RELN: variants seen among roughly 807,000 people sequenced by gnomAD.
The protein encoded by RELN is reelin.
Under a neutral mutation model 427.6 loss-of-function variants are expected in RELN, and 108 were observed. The observed-to-expected ratio is 0.25, with a 90% CI of 0.22 to 0.30. The LOEUF is 0.30. Among genes scored for constraint, RELN ranks in the 10% least tolerant of loss-of-function variants. The pLI is 1.00. For missense variants in RELN, 3,715 were observed against 4,302.8 expected, an observed-to-expected ratio of 0.86 and a Z score of 3.82; for synonymous variants, 1,524 against 1,513.4, an observed-to-expected ratio of 1.01 and a Z score of -0.16.
chr7:103,492,065 A>G (rs1828692005), intron 57 of RELN, 39 bp from the exon 58 acceptor site: 2 of 1,437,512 alleles, frequency 1.4e-6, no homozygotes, highest in African/African-American at 1.4e-5. Context: ...AGGTAAGATT[A>G]GATGATACTG....
intron 3 of RELN, among the ~76,000 whole-genome samples, chr7:103,782,517 CTAAA>C (rs1389512357): frequency 3.3e-5 from 5 of 152,042 alleles, no homozygotes; most frequent in Non-Finnish European, 5.9e-5. Flanking sequence ...GTCTCTCCAC[CTAAA>C]TAGATTTCAA....
chr7:103,674,210 T>C (rs868505006), intron 11 of RELN, among the ~76,000 whole-genome samples: 5 of 152,182 alleles, frequency 3.3e-5, no homozygotes, highest in African/African-American at 9.6e-5. Context: ...GTTTCAACAA[T>C]CATATATTTC....
chr7:103,811,144 T>C (rs946184561), intron 3 of RELN, among the ~76,000 whole-genome samples: 7 of 152,242 alleles, frequency 4.6e-5, no homozygotes, highest in Admixed American at 2.6e-4. Flanking sequence ...TTAAGGCATA[T>C]ACGAAAATTA....
chr7:103,834,973 T>C (rs39370), intron 2 of RELN, among the ~76,000 whole-genome samples: 58,245 of 151,962 alleles, frequency 0.38, 11,524 homozygotes, highest in Non-Finnish European at 0.43. Context: ...GAACTGAAAA[T>C]ATATGCCTGA....
At position 103,503,059 on chromosome 7, in the gene RELN, A is replaced by C; in HGVS notation, c.8446T>G (p.Trp2816Gly). The part of the protein sequence containing the change: ...QPSVFFPTKG[W>G]KRITYPLPES... Reference sequence around the variant, plus strand: ...GGAAGTGGGTAGGTGATCCTTTTCCACCCTTTAGTTGGAAAGAATACAGAT... The same window carrying C: ...GGAAGTGGGTAGGTGATCCTTTTCCCCCCTTTAGTTGGAAAGAATACAGAT... Residue 2816 changes from tryptophan (W) to glycine (G), a missense_variant, in exon 52 of 65, where the codon TGG becomes GGG. By Grantham distance (184) the Trp-to-Gly change is radical. Transcript: ENST00000428762. 6.2e-7 allele frequency: 1 copy of C among 1,614,064 alleles called. No individual in the cohort carries two copies.
chr7:103,507,521 A>G (rs2117052210), intron 51 of RELN, among the ~76,000 whole-genome samples: 1 of 152,334 alleles, frequency 6.6e-6, no homozygotes, highest in Non-Finnish European at 1.5e-5. Context: ...TCTCTGGGAC[A>G]CATTTAAAGC....
intron 4 of RELN, among the ~76,000 whole-genome samples, chr7:103,765,357 T>C (rs1046932217): frequency 2.0e-5 from 3 of 152,178 alleles, no homozygotes; most frequent in Non-Finnish European, 4.4e-5. Flanking sequence ...ACCTGTACTA[T>C]AAGCTTCTTA....
chr7:103,638,923 G>A (rs1284838431), intron 17 of RELN, among the ~76,000 whole-genome samples: 2 of 152,232 alleles, frequency 1.3e-5, no homozygotes, highest in Non-Finnish European at 2.9e-5. Context: ...TATAACTACT[G>A]TAATTATGGA....
In RELN at chr7:103,756,967, C is replaced by T. The variant is rs184667652; in HGVS notation, c.545-3753G>A. Among the ~76,000 whole-genome samples the T allele has an allele frequency of 1.2e-4, 19 of 152,228 alleles. No homozygotes were observed. In the East Asian group the frequency reaches 2.5e-3, roughly 20 times the overall value. On this transcript the variant is annotated intron_variant, in intron 4 of 64. Coordinates refer to ENST00000428762, the MANE Select transcript of RELN (RefSeq NM_005045.4). ...TTTTAATCATTTCTCGATAAATGAC[C>T]ATATCAATCTAGTTTTATGTAGTCT...
chr7:103,850,232 C>T (rs1793789459), intron 2 of RELN, among the ~76,000 whole-genome samples: 1 of 152,206 alleles, frequency 6.6e-6, no homozygotes, highest in Admixed American at 6.5e-5. Context: ...AAGCAGACTG[C>T]TCCTGCAGGA....
rs1270567333 is a variant in RELN, at chr7:103,515,212, C to T, written c.8092G>A (p.Asp2698Asn). Reference protein sequence around the residue: ...DAGPVGRIAFDMFMEDKTSVN... With the variant: ...DAGPVGRIAFNMFMEDKTSVN... ...GAAGTTTTGTCTTCCATAAACATGT[C>T]AAAGGCGATCCTCCCGACAGGGCCG... is the stretch of plus-strand genomic sequence containing the variant. Residue 2698 changes from aspartate (D) to asparagine (N), a missense_variant, in exon 50 of 65, where the codon GAC becomes AAC. Physicochemically the swap from Asp to Asn is conservative, Grantham distance 23. This residue lies in a region of RELN where 1,310 missense variants were observed against 1,643.0 expected (regional missense o/e 0.80). Coordinates refer to ENST00000428762, the MANE Select transcript of RELN (RefSeq NM_005045.4). The T allele has an allele frequency of 1.9e-6, 3 of 1,614,058 alleles. No individual in the cohort carries two copies. Among genetic ancestry groups the T allele is most frequent in the East Asian group, 2.2e-5 (1 of 44,890 alleles).
intron 31 of RELN, among the ~76,000 whole-genome samples, chr7:103,570,376 T>C (rs1056999865): frequency 2.0e-4 from 30 of 152,222 alleles, no homozygotes; most frequent in African/African-American, 7.2e-4. Context: ...CCTTTAAATT[T>C]CAATGTATCA....
At position 103,929,884 on chromosome 7, in the gene RELN, G is replaced by A. The variant is rs182738062; in HGVS notation, c.227-12699C>T. Among the ~76,000 whole-genome samples, 78 of 152,316 alleles carry A rather than the reference G, an allele frequency of 5.1e-4. No homozygotes were observed. In the East Asian group the frequency reaches 6.0e-3, roughly 12 times the overall value. On this transcript the variant is annotated intron_variant, in intron 1 of 64. Coordinates refer to ENST00000428762, the MANE Select transcript of RELN (RefSeq NM_005045.4). Reference sequence around the variant, plus strand: ...CTCAAAAGTTTTCACTGCTCTGCACGTGTCTGCAAATGACTGTCAAAGTGC... The same window carrying A: ...CTCAAAAGTTTTCACTGCTCTGCACATGTCTGCAAATGACTGTCAAAGTGC...
intron 46 of RELN, among the ~76,000 whole-genome samples, chr7:103,532,604 C>T (rs1829966489): frequency 6.6e-6 from 1 of 152,126 alleles, no homozygotes; most frequent in African/African-American, 2.4e-5. Context: ...TGGTCTGACA[C>T]CATCTCATAC....
intron 10 of RELN, 80 bp from the exon 11 acceptor site, chr7:103,682,341 T>C: frequency 6.6e-7 from 1 of 1,506,662 alleles, no homozygotes; most frequent in Non-Finnish European, 9.2e-7. Context: ...ATAATTAGAG[T>C]TTTTAGAAAA....
chr7:103,675,587 C>T (rs1486275024), intron 11 of RELN, among the ~76,000 whole-genome samples: 1 of 152,148 alleles, frequency 6.6e-6, no homozygotes, highest in Non-Finnish European at 1.5e-5. Flanking sequence ...CAAGACAATC[C>T]TAAGCCAAAA....
Position 103,482,862 on chromosome 7 carries a change from T to G in RELN, c.10280+11A>C, listed in dbSNP as rs200062707. On this transcript the variant is annotated intron_variant, in intron 63 of 64. Transcript: ENST00000428762. ...GAAATGGACATGGGATGCCATGTAA[T>G]AGATACTCACAGGACGACCTCCACA... is the stretch of plus-strand genomic sequence containing the variant. 19 of 1,613,762 alleles carry G rather than the reference T, an allele frequency of 1.2e-5. No individual in the cohort carries two copies. Among genetic ancestry groups the G allele is most frequent in the Non-Finnish European group, 1.6e-5 (19 of 1,179,794 alleles).
intron 3 of RELN, among the ~76,000 whole-genome samples, chr7:103,783,506 A>C (rs981620779): frequency 3.3e-5 from 5 of 152,174 alleles, no homozygotes; most frequent in African/African-American, 9.7e-5. Flanking sequence ...TTTTATAGTT[A>C]CATCTTTTAT....
intron 11 of RELN, among the ~76,000 whole-genome samples, chr7:103,665,048 T>C (rs1833229226): frequency 6.6e-6 from 1 of 152,186 alleles, no homozygotes; most frequent in Non-Finnish European, 1.5e-5. Flanking sequence ...CTATATTTTC[T>C]TCTAAAAGTT....
Sources: allele counts gnomAD v4.1 joint callset (sites outside exome capture counted in the v4.1 genomes callset), GRCh38; gene constraint gnomAD v4.1.1; regional missense constraint gnomAD v4.1.1; transcripts MANE v1.5; gene names NCBI Gene and HGNC (gene_info 2026-07-23, HGNC 2026-07-21).